ERC2: variants seen among roughly 807,000 people sequenced by gnomAD.
The protein encoded by ERC2 is ERC protein 2.
Under a neutral mutation model 114.8 loss-of-function variants are expected in ERC2, and 42 were observed. The observed-to-expected ratio is 0.37, with a 90% CI of 0.29 to 0.47. The LOEUF is 0.47. Among genes scored for constraint, ERC2 ranks in the 20% least tolerant of loss-of-function variants. The pLI, the probability that ERC2 is intolerant of heterozygous loss-of-function variation, is 0.99. For synonymous variants in ERC2, 454 were observed against 425.5 expected (o/e 1.07, Z -0.82); for missense variants, 939 against 1,150.7 (o/e 0.82, Z 2.66).
intron 2 of ERC2, among the ~76,000 whole-genome samples, chr3:56,312,022 G>A (rs73088522): frequency 0.035 from 5,286 of 152,180 alleles, 200 homozygotes; most frequent in African/African-American, 0.085. Flanking sequence ...CACTGTGTTA[G>A]GTAGTATAAG....
chr3:56,337,713 C>A (rs141548427), intron 2 of ERC2, among the ~76,000 whole-genome samples: 383 of 152,240 alleles, frequency 2.5e-3, no homozygotes, highest in African/African-American at 8.4e-3. Flanking sequence ...AGTGAAGATA[C>A]ACCTACCCAC....
intron 3 of ERC2, among the ~76,000 whole-genome samples, chr3:56,199,979 T>C (rs958912185): frequency 1.3e-5 from 2 of 152,008 alleles, no homozygotes; most frequent in African/African-American, 4.8e-5. Context: ...TAATTGGAGG[T>C]ATAGTCTTTA....
chr3:56,214,538 G>C (rs2049316552), intron 3 of ERC2, among the ~76,000 whole-genome samples: 1 of 152,098 alleles, frequency 6.6e-6, no homozygotes, highest in Non-Finnish European at 1.5e-5. Context: ...GAAAGTGACG[G>C]GGAGAATGGA....
chr3:56,371,425 G>C (rs1448563963), intron 2 of ERC2, among the ~76,000 whole-genome samples: 1 of 152,138 alleles, frequency 6.6e-6, no homozygotes, highest in Non-Finnish European at 1.5e-5. Flanking sequence ...GGATTGTAAA[G>C]CTTTCTCACT....
chr3:56,372,582 C>T (rs1050183980), intron 2 of ERC2, among the ~76,000 whole-genome samples: 20 of 151,914 alleles, frequency 1.3e-4, no homozygotes, highest in African/African-American at 4.8e-4. Flanking sequence ...ACAAAATAAG[C>T]CAGGTGTGGT....
intron 14 of ERC2, among the ~76,000 whole-genome samples, chr3:55,872,829 C>T (rs1367427900): frequency 1.3e-5 from 2 of 152,168 alleles, no homozygotes; most frequent in African/African-American, 4.8e-5. Flanking sequence ...TACACCGGCT[C>T]AAGGTCCATA....
chr3:55,811,389 G>A (rs1053139082), intron 14 of ERC2, among the ~76,000 whole-genome samples: 1 of 152,146 alleles, frequency 6.6e-6, no homozygotes, highest in African/African-American at 2.4e-5. Context: ...GAAAACAAGG[G>A]CAGGCGTTAT....
chr3:55,817,682 C>T (rs1410383387), intron 14 of ERC2, among the ~76,000 whole-genome samples: 3 of 152,198 alleles, frequency 2.0e-5, no homozygotes, highest in Non-Finnish European at 2.9e-5. Context: ...ATTCACAAGT[C>T]ACTTGCAAGG....
chr3:55,673,804 G>GTTTTTTTTTTTTTTTT (rs10575865), intron 17 of ERC2, among the ~76,000 whole-genome samples: 1 of 113,784 alleles, frequency 8.8e-6, no homozygotes. Flanking sequence ...TAATTACCAA[G>GTTTTTTTTTTTTTTTT]TTTTTTTTTT....
chr3:55,572,306 T>C (rs1254577436), intron 17 of ERC2, among the ~76,000 whole-genome samples: 1 of 152,190 alleles, frequency 6.6e-6, no homozygotes, highest in East Asian at 1.9e-4. Context: ...GGAGAAATGC[T>C]TGTGGCCCGG....
chr3:55,610,619 A>AT (rs1191667020), intron 17 of ERC2: 2 of 151,774 alleles, frequency 1.3e-5, no homozygotes, highest in Non-Finnish European at 2.9e-5. Context: ...AGGTGGGAGG[A>AT]TTCCTTGAGC....
rs562465729 is a variant in ERC2 at position 56,128,289 on chromosome 3, T to C, written c.1473+11220A>G. On this transcript the variant is annotated intron_variant, in intron 6 of 17. Coordinates refer to ENST00000288221, the MANE Select transcript of ERC2 (RefSeq NM_015576.3). ...CAAGGACAAAACAAACTCCAAACAA[T>C]TCTTAAGCTTATTTTCAATAATCAT... is the stretch of plus-strand genomic sequence containing the variant. Among the ~76,000 whole-genome samples, 5 of 152,224 alleles carry C rather than the reference T, an allele frequency of 3.3e-5. No homozygotes were observed. The South Asian group carries it at 1.0e-3, about 32-fold the overall frequency.
intron 12 of ERC2, 156 bp from the exon 13 acceptor site, chr3:55,950,716 G>T: frequency 2.3e-6 from 2 of 872,010 alleles, no homozygotes; most frequent in South Asian, 1.7e-5. Flanking sequence ...CTACAAATAT[G>T]TATTGAGCAT....
At chr3:56,084,266 G>A (rs1160291171) in intron 6 of ERC2, among the ~76,000 whole-genome samples, 1 of 152,122 alleles carries the variant, frequency 6.6e-6, no homozygotes, top group East Asian at 1.9e-4. Flanking sequence ...CTGCTGGTGG[G>A]AATGTAAATT....
chr3:55,970,840 T>C (rs1049501907), intron 12 of ERC2, among the ~76,000 whole-genome samples: 2 of 152,154 alleles, frequency 1.3e-5, no homozygotes, highest in African/African-American at 4.8e-5. Context: ...CTTGCAGATA[T>C]ACAGCCATGA....
At chr3:56,083,531 A>G (rs890845416) in intron 6 of ERC2, among the ~76,000 whole-genome samples, 4 of 152,170 alleles carry the variant, frequency 2.6e-5, no homozygotes, top group Non-Finnish European at 5.9e-5. Context: ...AATAATTTAT[A>G]CTTTGATATA....
At chr3:55,767,507 C>T (rs1333651948) in intron 14 of ERC2, among the ~76,000 whole-genome samples, 3 of 152,180 alleles carry the variant, frequency 2.0e-5, no homozygotes, top group Non-Finnish European at 4.4e-5. Flanking sequence ...CGGAGTTACT[C>T]CTTCTCTCTC....
At chr3:55,545,650 T>G (rs1421055144) in intron 17 of ERC2, among the ~76,000 whole-genome samples, 1 of 152,170 alleles carries the variant, frequency 6.6e-6, no homozygotes, top group Non-Finnish European at 1.5e-5. Flanking sequence ...AGTCAGGAGT[T>G]TCTGTGTGTG....
chr3:55,713,166 C>A (rs1169516474), intron 15 of ERC2, among the ~76,000 whole-genome samples: 1 of 146,084 alleles, frequency 6.8e-6, no homozygotes, highest in Non-Finnish European at 1.5e-5. Context: ...CACACAAACC[C>A]CAGAATTTTA....
Sources: gnomAD v4.1 joint callset for allele counts (sites outside exome capture counted in the v4.1 genomes callset) on GRCh38, gnomAD v4.1.1 for gene constraint, MANE v1.5 for transcripts, NCBI Gene and HGNC (gene_info 2026-07-23, HGNC 2026-07-21) for gene names.